The following LINGO2 variants were observed in gnomAD, a reference collection of about 807,000 sequenced individuals.
LINGO2 encodes leucine rich repeat and Ig domain containing 2.
A neutral mutation model predicts 30.6 loss-of-function variants in LINGO2; 14 were observed. That is an observed-to-expected ratio of 0.46 (90% confidence interval 0.30 to 0.72). The LOEUF is 0.72. LINGO2 is among the 30% of genes least tolerant of loss of function. The pLI is 0.07. For missense variants in LINGO2, 729 were observed against 751.7 expected (o/e 0.97, Z 0.35); for synonymous variants, 317 against 288.5 (o/e 1.10, Z -1.00).
intron 1 of LINGO2, among the ~76,000 whole-genome samples, chr9:28,639,469 G>GTC (rs200799074): frequency 0.09 from 13,677 of 151,996 alleles, 865 homozygotes; most frequent in Admixed American, 0.22. Flanking sequence ...CTCTTTGTAG[G>GTC]TCTCTAAGGA....
the LINGO2 span, among the ~76,000 whole-genome samples, chr9:28,765,664 G>C: frequency 2.0e-5 from 3 of 151,992 alleles, no homozygotes; most frequent in Non-Finnish European, 4.4e-5. Flanking sequence ...TTGACCTTCT[G>C]CTGTGGTGTG....
At chr9:28,563,742 G>A (rs905363113) in intron 1 of LINGO2, among the ~76,000 whole-genome samples, 2 of 152,082 alleles carry the variant, frequency 1.3e-5, no homozygotes, top group African/African-American at 2.4e-5. Context: ...TATCTTTGTG[G>A]AGACTATGAT....
the LINGO2 span, among the ~76,000 whole-genome samples, chr9:29,120,940 T>C: frequency 6.6e-6 from 1 of 152,156 alleles, no homozygotes; most frequent in East Asian, 1.9e-4. Context: ...TGTTGTCTCT[T>C]ACAATATAAC....
At chr9:28,777,201 C>T in the LINGO2 span, among the ~76,000 whole-genome samples, 4 of 152,090 alleles carry the variant, frequency 2.6e-5, no homozygotes, top group African/African-American at 9.7e-5. Context: ...TCTCGGGTAG[C>T]TCTTCTAGCA....
At position 28,274,036 on chromosome 9, in the gene LINGO2, G is replaced by C. The variant is rs572509682; in HGVS notation, c.-87+21172C>G. Among the ~76,000 whole-genome samples, 10 of 152,188 alleles carry C rather than the reference G, an allele frequency of 6.6e-5. No individual in the cohort carries two copies. The South Asian group carries it at 2.1e-3, about 32-fold the overall frequency. On this transcript the variant is annotated intron_variant, in intron 4 of 5. Transcript: ENST00000379992. ...GAGACCATTATATCAACCAGAAGAA[G>C]AGAAGATGGGGAGAATTGGATATAT... is the stretch of plus-strand genomic sequence containing the variant.
the LINGO2 span, among the ~76,000 whole-genome samples, chr9:28,744,637 T>C: frequency 7.1e-6 from 1 of 141,498 alleles, no homozygotes; most frequent in East Asian, 2.2e-4. Flanking sequence ...TGTGTGTGTG[T>C]GTATTTTTTT....
At chr9:28,319,929 A>G (rs1587460887) in intron 3 of LINGO2, among the ~76,000 whole-genome samples, 1 of 152,172 alleles carries the variant, frequency 6.6e-6, no homozygotes. Context: ...CTGAGTCACC[A>G]TGAATCTTAA....
the LINGO2 span, among the ~76,000 whole-genome samples, chr9:29,025,307 A>G: frequency 6.6e-6 from 1 of 152,200 alleles, no homozygotes; most frequent in African/African-American, 2.4e-5. Context: ...ATAGTAAAAT[A>G]TTAAAACCTC....
chr9:28,491,278 GC>G (rs1194765740), intron 1 of LINGO2, among the ~76,000 whole-genome samples: 1 of 152,160 alleles, frequency 6.6e-6, no homozygotes, highest in Non-Finnish European at 1.5e-5. Flanking sequence ...GCTTCTAGAG[GC>G]CTCTTGGCAT....
At chr9:28,709,231 TG>T in the LINGO2 span, among the ~76,000 whole-genome samples, 4 of 151,804 alleles carry the variant, frequency 2.6e-5, no homozygotes, top group South Asian at 2.1e-4. Context: ...TGTTTTGTTT[TG>T]TTTTTTAACT....
At chr9:29,209,629 T>C in the LINGO2 span, among the ~76,000 whole-genome samples, 2 of 152,162 alleles carry the variant, frequency 1.3e-5, no homozygotes, top group African/African-American at 4.8e-5. Context: ...ATATTCTCCC[T>C]TAATTTCCTT....
the LINGO2 span, among the ~76,000 whole-genome samples, chr9:28,860,355 T>G: frequency 6.6e-6 from 1 of 152,070 alleles, no homozygotes; most frequent in Non-Finnish European, 1.5e-5. Context: ...ATAATGTGGG[T>G]AGGCCTCACC....
At chr9:29,105,616 G>A in the LINGO2 span, among the ~76,000 whole-genome samples, 1 of 152,206 alleles carries the variant, frequency 6.6e-6, no homozygotes, top group African/African-American at 2.4e-5. Flanking sequence ...TCACTCCCAT[G>A]ATTAAGTTAC....
chr9:28,636,077 T>C (rs1161894094), intron 1 of LINGO2, among the ~76,000 whole-genome samples: 1 of 152,158 alleles, frequency 6.6e-6, no homozygotes, highest in Non-Finnish European at 1.5e-5. Context: ...ATGCAGTCTT[T>C]GGTTTTCTGT....
At chr9:28,127,627 C>G (rs1167832349) in intron 4 of LINGO2, among the ~76,000 whole-genome samples, 1 of 152,158 alleles carries the variant, frequency 6.6e-6, no homozygotes, top group Non-Finnish European at 1.5e-5. Context: ...GCAAGCCTAA[C>G]AAGTGGCAAA....
At chr9:28,097,229 T>A (rs567028062) in intron 4 of LINGO2, among the ~76,000 whole-genome samples, 1 of 152,240 alleles carries the variant, frequency 6.6e-6, no homozygotes, top group Non-Finnish European at 1.5e-5. Context: ...ACTTTTACAC[T>A]GTTGGTGGGA....
the LINGO2 span, among the ~76,000 whole-genome samples, chr9:28,861,747 T>C: frequency 6.6e-6 from 1 of 151,916 alleles, no homozygotes; most frequent in East Asian, 1.9e-4. Flanking sequence ...CAGGGCAACA[T>C]ATGTTTTTTG....
intron 1 of LINGO2, among the ~76,000 whole-genome samples, chr9:28,636,639 G>A (rs1371116367): frequency 6.6e-6 from 1 of 152,108 alleles, no homozygotes; most frequent in Non-Finnish European, 1.5e-5. Flanking sequence ...AGAAGTGTCT[G>A]TTCATATCCT....
the LINGO2 span, among the ~76,000 whole-genome samples, chr9:28,695,450 T>C: frequency 6.6e-6 from 1 of 151,922 alleles, no homozygotes; most frequent in Non-Finnish European, 1.5e-5. Flanking sequence ...CTATTAACTT[T>C]TAAAAAGGTT....
Sources: allele counts gnomAD v4.1 joint callset (sites outside exome capture counted in the v4.1 genomes callset), GRCh38; gene constraint gnomAD v4.1.1; transcripts MANE v1.5; gene names NCBI Gene and HGNC (gene_info 2026-07-23, HGNC 2026-07-21).